SHISA5: variants seen among roughly 807,000 people sequenced by gnomAD.
SHISA5 encodes the protein protein shisa-5.
In SHISA5, 21 loss-of-function variants were observed where a neutral mutation model predicts 27.5. The ratio of observed to expected loss-of-function variants is 0.76; its 90% CI spans 0.54 to 1.10. SHISA5 has a LOEUF of 1.10. Ranked by LOEUF, SHISA5 falls within the 50% of genes least tolerant of loss-of-function variation. SHISA5 has a pLI of 0.00. For synonymous variants in SHISA5, 137 were observed against 142.2 expected, an observed-to-expected ratio of 0.96 and a Z score of 0.26; for missense variants, 314 against 336.3, an observed-to-expected ratio of 0.93 and a Z score of 0.52.
intron 3 of SHISA5, among the ~76,000 whole-genome samples, chr3:48,478,819 C>T (rs2040907091): frequency 6.6e-6 from 1 of 152,116 alleles, no homozygotes; most frequent in Non-Finnish European, 1.5e-5. Context: ...TATACCCGCC[C>T]CCATCTACCA....
chr3:48,481,309 A>G (rs773454454), intron 2 of SHISA5, among the ~76,000 whole-genome samples: 3 of 150,440 alleles, frequency 2.0e-5, no homozygotes, highest in Admixed American at 6.6e-5. Context: ...GTGTGGTGGC[A>G]GGCGCCTGTA....
rs1484722266 is a variant in SHISA5 at position 48,470,519 on chromosome 3, C to G, written c.315-676G>C. ...GGTCCCCCACCTCTGACCTGCATGG[C>G]CACTTCCACAGGTGAGAGGGCCAAG... On this transcript the variant is annotated intron_variant, in intron 3 of 5. Transcript: ENST00000296444. This position sits in a 1 kb window ranked among gnomAD's most constrained non-coding sequence, Gnocchi z 4.3. Among the ~76,000 whole-genome samples the G allele has an allele frequency of 2.0e-5, 3 of 152,216 alleles. No homozygotes were observed. The highest frequency in any genetic ancestry group is 4.4e-5 in the Non-Finnish European group (3 of 68,038).
At chr3:48,484,424 T>G (rs1357306435) in intron 2 of SHISA5, among the ~76,000 whole-genome samples, 1 of 146,412 alleles carries the variant, frequency 6.8e-6, no homozygotes, top group Non-Finnish European at 1.5e-5. Context: ...GGTGAAACCC[T>G]GTCTCTACTA....
At chr3:48,486,920 C>CA (rs747460201) in intron 2 of SHISA5, among the ~76,000 whole-genome samples, 195 of 94,698 alleles carry the variant, frequency 2.1e-3, no homozygotes, top group South Asian at 0.014. Flanking sequence ...GACTCCATCT[C>CA]AAAAAAAAAA....
In SHISA5 at chr3:48,473,623, T is replaced by G; in HGVS notation, c.315-3780A>C. ...CCCGGCCACCCTACTGGGGCCACCA[T>G]GCAAGGTCCATCATGTCACCACCTG... On this transcript the variant is annotated intron_variant, in intron 3 of 5. Transcript: ENST00000296444. The surrounding 1 kb of genome is among the most constrained non-coding windows in gnomAD (Gnocchi z 4.3). 8.3e-7 allele frequency: 1 copy of G among 1,199,120 alleles called. No individual in the cohort carries two copies. Among genetic ancestry groups the G allele is most frequent in the Non-Finnish European group, 1.1e-6 (1 of 942,796 alleles). 74.3% of individuals were successfully genotyped at this position (1,199,120 alleles called of 1,614,324 possible). A position where few individuals can be genotyped will look rare whatever the true frequency, so the allele number is the denominator to read the frequency against.
intron 2 of SHISA5, among the ~76,000 whole-genome samples, chr3:48,482,639 C>CTT (rs879532444): frequency 6.8e-6 from 1 of 146,016 alleles, no homozygotes; most frequent in Non-Finnish European, 1.5e-5. Flanking sequence ...TGAAAACTCA[C>CTT]TTTTTTTTTT....
At chr3:48,482,038 C>A (rs1487448453) in intron 2 of SHISA5, among the ~76,000 whole-genome samples, 7 of 146,862 alleles carry the variant, frequency 4.8e-5, no homozygotes, top group African/African-American at 7.6e-5. Flanking sequence ...CACTGCACTC[C>A]AGCCTGGGGG....
chr3:48,476,854 G>A (rs1398774620), intron 3 of SHISA5: 6 of 285,956 alleles, frequency 2.1e-5, no homozygotes, highest in Non-Finnish European at 3.5e-5. Flanking sequence ...AATAGCCTGG[G>A]GCAGGAGGCA....
chr3:48,475,625 G>A (rs2040799166), intron 3 of SHISA5, among the ~76,000 whole-genome samples: 1 of 152,166 alleles, frequency 6.6e-6, no homozygotes, highest in Non-Finnish European at 1.5e-5. Context: ...CTCGCCTAAT[G>A]GGCCTCTCTC....
chr3:48,484,471 C>T (rs2041132669), intron 2 of SHISA5, among the ~76,000 whole-genome samples: 1 of 152,014 alleles, frequency 6.6e-6, no homozygotes, highest in Non-Finnish European at 1.5e-5. Flanking sequence ...TGGCACCTGC[C>T]TGTAATTCCA....
chr3:48,482,004 G>A (rs1419705402), intron 2 of SHISA5, among the ~76,000 whole-genome samples: 1 of 151,294 alleles, frequency 6.6e-6, no homozygotes, highest in Non-Finnish European at 1.5e-5. Flanking sequence ...GGGAGGCAGA[G>A]GTTGCAGTGA....
chr3:48,494,212 T>G (rs1379407448), intron 2 of SHISA5, among the ~76,000 whole-genome samples: 2 of 147,296 alleles, frequency 1.4e-5, no homozygotes, highest in Admixed American at 1.3e-4. Context: ...GTGCTGTATT[T>G]GTCTTTCTGC....
At chr3:48,487,379 A>C (rs2041283282) in intron 2 of SHISA5, among the ~76,000 whole-genome samples, 1 of 152,102 alleles carries the variant, frequency 6.6e-6, no homozygotes, top group Non-Finnish European at 1.5e-5. Context: ...CATACAGTTT[A>C]TACGTTTTAA....
chr3:48,499,423 T>C (rs370461666), intron 2 of SHISA5, among the ~76,000 whole-genome samples: 1 of 151,626 alleles, frequency 6.6e-6, no homozygotes, highest in Non-Finnish European at 1.5e-5. Context: ...TCATGCCTGT[T>C]ATCCCAGCAC....
rs1267397435 is a variant in SHISA5 at position 48,473,126 on chromosome 3, TCTC to T, written c.315-3286_315-3284del. On this transcript the variant is annotated intron_variant, in intron 3 of 5. Transcript: ENST00000296444. The surrounding 1 kb of genome is among the most constrained non-coding windows in gnomAD (Gnocchi z 4.3). ...CCCTTTTGGAGAAAAAGAAAGCAAA[TCTC>T]CTCCAGATGACGTCAGCCACAGGAA... 4 of 1,468,444 alleles carry T rather than the reference TCTC, an allele frequency of 2.7e-6. No homozygotes were observed. Among genetic ancestry groups the T allele is most frequent in the African/African-American group, 1.4e-5 (1 of 70,402 alleles). The allele number at this position is 1,468,444 out of a possible 1,614,324, so 91.0% of individuals were successfully genotyped here.
chr3:48,473,742 G>T lies in SHISA5; in HGVS notation c.315-3899C>A. On this transcript the variant is annotated intron_variant, in intron 3 of 5. Coordinates refer to ENST00000296444, the MANE Select transcript of SHISA5 (RefSeq NM_016479.6). The surrounding 1 kb of genome is among the most constrained non-coding windows in gnomAD (Gnocchi z 4.3). Reference sequence around the variant, plus strand: ...AAACTGAGTGTGTCTGTGCTTTCCTGTGTATGTATTATAGTTGACAATAAA... The same window carrying T: ...AAACTGAGTGTGTCTGTGCTTTCCTTTGTATGTATTATAGTTGACAATAAA... 2.7e-6 allele frequency: 1 copy of T among 376,878 alleles called. No homozygotes were observed. The highest frequency in any genetic ancestry group is 3.6e-6 in the Non-Finnish European group (1 of 274,030). 23.3% of individuals were successfully genotyped at this position (376,878 alleles called of 1,614,324 possible).
chr3:48,492,267 A>G (rs368198878), intron 2 of SHISA5, among the ~76,000 whole-genome samples: 12 of 150,622 alleles, frequency 8.0e-5, no homozygotes, highest in Admixed American at 1.3e-4. Context: ...TCAGGAGATC[A>G]AGACCATCCT....
At chr3:48,476,080 A>AT (rs1253611822) in intron 3 of SHISA5, among the ~76,000 whole-genome samples, 1 of 152,126 alleles carries the variant, frequency 6.6e-6, no homozygotes. Flanking sequence ...ACAGTGGCTC[A>AT]GCCTGTAATC....
At position 48,468,200 on chromosome 3, in the gene SHISA5, G is replaced by GT; in HGVS notation, c.*906dup. 8 of 1,001,446 alleles carry GT rather than the reference G, an allele frequency of 8.0e-6. No homozygotes were observed. Among genetic ancestry groups the GT allele is most frequent in the Non-Finnish European group, 8.3e-6 (7 of 838,530 alleles). The allele number at this position is 1,001,446 out of a possible 1,614,324, so 62.0% of individuals were successfully genotyped here. A position where few individuals can be genotyped will look rare whatever the true frequency, so the allele number is the denominator to read the frequency against. ...GCCAATTTCCCTCCACAACCCAGGG[G>GT]TTTCAGTCTCATATCAACTATCATG... On this transcript the variant is annotated 3_prime_UTR_variant, in exon 6 of 6. Transcript: ENST00000296444.
Sources: allele counts gnomAD v4.1 joint callset (sites outside exome capture counted in the v4.1 genomes callset), GRCh38; gene constraint gnomAD v4.1.1; non-coding constraint Gnocchi (gnomAD v3.1); transcripts MANE v1.5; gene names NCBI Gene and HGNC (gene_info 2026-07-23, HGNC 2026-07-21).